Variants in C8orf34 observed in about 807,000 individuals in gnomAD.
C8orf34 encodes chromosome 8 open reading frame 34, also known as uncharacterized protein C8orf34.
In C8orf34, 65 loss-of-function variants were observed where a neutral mutation model predicts 68.3. The ratio of observed to expected loss-of-function variants is 0.95; its 90% CI spans 0.78 to 1.17. The LOEUF (loss-of-function observed/expected upper bound fraction) is 1.17. Ranked by LOEUF, C8orf34 falls within the 50% of genes most tolerant of loss-of-function variation. The pLI is 0.00. For synonymous variants in C8orf34, 244 were observed against 241.2 expected (o/e 1.01, Z -0.11); for missense variants, 664 against 655.4 (o/e 1.01, Z -0.14).
At chr8:68,547,151 A>G (rs1815911663) in intron 7 of C8orf34, among the ~76,000 whole-genome samples, 1 of 151,834 alleles carries the variant, frequency 6.6e-6, no homozygotes. Context: ...GGCAAAGAAA[A>G]AAGTAGAGAA....
At chr8:68,695,424 CA>C (rs1820803299) in intron 8 of C8orf34, among the ~76,000 whole-genome samples, 1 of 152,136 alleles carries the variant, frequency 6.6e-6, no homozygotes, top group African/African-American at 2.4e-5. Context: ...GCTGGGATTA[CA>C]GGCATGGGCC....
At chr8:68,346,920 G>A (rs980144056) in intron 1 of C8orf34, among the ~76,000 whole-genome samples, 1 of 151,828 alleles carries the variant, frequency 6.6e-6, no homozygotes, top group Non-Finnish European at 1.5e-5. Context: ...CCATATGCAG[G>A]CTTCTACATG....
At chr8:68,494,367 G>A (rs190157886) in intron 5 of C8orf34, among the ~76,000 whole-genome samples, 189 of 152,280 alleles carry the variant, frequency 1.2e-3, no homozygotes, top group African/African-American at 4.0e-3. Flanking sequence ...CATGAGCTGA[G>A]GGGAAGGGGA....
At chr8:68,603,020 TAAG>T (rs772744687) in intron 7 of C8orf34, among the ~76,000 whole-genome samples, 3 of 152,080 alleles carry the variant, frequency 2.0e-5, no homozygotes, top group Non-Finnish European at 4.4e-5. Flanking sequence ...TAGCAGGCAA[TAAG>T]AAAACCCAGG....
chr8:68,352,118 C>T (rs1179015935), intron 1 of C8orf34, among the ~76,000 whole-genome samples: 1 of 151,716 alleles, frequency 6.6e-6, no homozygotes, highest in Admixed American at 6.6e-5. Context: ...CATTTTTTTG[C>T]AAATATTTTC....
At chr8:68,645,380 CT>C (rs1227072159) in intron 8 of C8orf34, among the ~76,000 whole-genome samples, 1 of 152,012 alleles carries the variant, frequency 6.6e-6, no homozygotes, top group Non-Finnish European at 1.5e-5. Flanking sequence ...TTTTCCTCAT[CT>C]TTTTGAGAAA....
At chr8:68,420,546 C>T (rs960259142) in intron 1 of C8orf34, among the ~76,000 whole-genome samples, 6 of 151,930 alleles carry the variant, frequency 3.9e-5, no homozygotes, top group African/African-American at 1.5e-4. Context: ...CACACACACA[C>T]ACATACACAA....
chr8:68,552,429 A>C (rs936157118), intron 7 of C8orf34, among the ~76,000 whole-genome samples: 8 of 152,102 alleles, frequency 5.3e-5, no homozygotes, highest in Non-Finnish European at 1.0e-4. Context: ...ATTTAGTCCT[A>C]AGTGTTTTTT....
intron 8 of C8orf34, among the ~76,000 whole-genome samples, chr8:68,660,239 T>C (rs1364536866): frequency 6.6e-6 from 1 of 152,180 alleles, no homozygotes; most frequent in Non-Finnish European, 1.5e-5. Context: ...CTGAAGATTA[T>C]TGTTACCCAC....
chr8:68,531,043 A>C (rs1815222462), intron 6 of C8orf34, among the ~76,000 whole-genome samples: 3 of 152,236 alleles, frequency 2.0e-5, no homozygotes, highest in East Asian at 1.9e-4. Flanking sequence ...TATTATCTAT[A>C]TATCTATCAT....
At chr8:68,439,897 A>G (rs908197617) in intron 2 of C8orf34, among the ~76,000 whole-genome samples, 1 of 152,210 alleles carries the variant, frequency 6.6e-6, no homozygotes, top group Non-Finnish European at 1.5e-5. Context: ...GATTTGCATC[A>G]AAAGATTTTA....
chr8:68,710,217 A>G (rs964335316), intron 9 of C8orf34, among the ~76,000 whole-genome samples: 1 of 152,130 alleles, frequency 6.6e-6, no homozygotes, highest in African/African-American at 2.4e-5. Flanking sequence ...GGAACATAAC[A>G]GGAAAGGTGA....
At chr8:68,768,217 G>T (rs1237678250) in intron 10 of C8orf34, among the ~76,000 whole-genome samples, 2 of 152,166 alleles carry the variant, frequency 1.3e-5, no homozygotes, top group Non-Finnish European at 2.9e-5. Flanking sequence ...CAATGCCCCT[G>T]GTAGTCTCTG....
chr8:68,456,780 C>A (rs527966315), intron 3 of C8orf34, among the ~76,000 whole-genome samples: 4 of 152,124 alleles, frequency 2.6e-5, no homozygotes, highest in Non-Finnish European at 2.9e-5. Flanking sequence ...ACAATGCAAG[C>A]TGGCATAGGG....
intron 1 of C8orf34, among the ~76,000 whole-genome samples, chr8:68,348,550 G>T (rs564383899): frequency 6.6e-6 from 1 of 152,094 alleles, no homozygotes; most frequent in South Asian, 2.1e-4. Context: ...AAATTGCCTT[G>T]GGCAGTCTAG....
intron 5 of C8orf34, among the ~76,000 whole-genome samples, chr8:68,519,983 C>T (rs1377842838): frequency 2.0e-5 from 3 of 152,112 alleles, no homozygotes; most frequent in Non-Finnish European, 2.9e-5. Flanking sequence ...TGAACAGTAT[C>T]GTTAACTTTA....
chr8:68,422,235 C>T (rs1241074529), intron 1 of C8orf34, among the ~76,000 whole-genome samples: 1 of 152,166 alleles, frequency 6.6e-6, no homozygotes, highest in East Asian at 1.9e-4. Flanking sequence ...TCCAAAGTCT[C>T]ATGTGAGACA....
intron 11 of C8orf34, among the ~76,000 whole-genome samples, chr8:68,785,897 A>G (rs1222956526): frequency 6.6e-6 from 1 of 152,210 alleles, no homozygotes; most frequent in Non-Finnish European, 1.5e-5. Flanking sequence ...ATTGGGGCTG[A>G]ACTTCTCCAG....
chr8:68,380,905 G>A (rs1400732191), intron 1 of C8orf34, among the ~76,000 whole-genome samples: 1 of 152,104 alleles, frequency 6.6e-6, no homozygotes, highest in Non-Finnish European at 1.5e-5. Context: ...GTTCCATTAT[G>A]CCCTGAGGCT....
Sources: gnomAD v4.1 joint callset for allele counts (sites outside exome capture counted in the v4.1 genomes callset) on GRCh38, gnomAD v4.1.1 for gene constraint, MANE v1.5 for transcripts, NCBI Gene and HGNC (gene_info 2026-07-23, HGNC 2026-07-21) for gene names.